PKIG: variants seen among roughly 807,000 people sequenced by gnomAD.
PKIG encodes the protein cAMP-dependent protein kinase inhibitor gamma.
A neutral mutation model predicts 6.8 loss-of-function variants in PKIG; 1 was observed. The ratio of observed to expected loss-of-function variants is 0.15; its 90% CI spans 0.05 to 0.69. PKIG has a LOEUF of 0.69. Ranked by LOEUF, PKIG falls within the 30% of genes least tolerant of loss-of-function variation. The probability of loss-of-function intolerance (pLI) is 0.82; values close to 1 mark genes in which losing one functional copy is unlikely to be tolerated. For synonymous variants in PKIG, 39 were observed against 43.0 expected, an observed-to-expected ratio of 0.91 and a Z score of 0.36; for missense variants, 77 against 104.0, an observed-to-expected ratio of 0.74 and a Z score of 1.13.
At chr20:44,560,072 A>G (rs981670575) in intron 1 of PKIG, among the ~76,000 whole-genome samples, 2 of 151,826 alleles carry the variant, frequency 1.3e-5, no homozygotes, top group African/African-American at 2.4e-5. Flanking sequence ...ATACAAAAAA[A>G]AAAAGAAAGA....
chr20:44,563,215 CATT>C (rs1192202327), intron 1 of PKIG, among the ~76,000 whole-genome samples: 4 of 152,066 alleles, frequency 2.6e-5, no homozygotes, highest in Non-Finnish European at 4.4e-5. Flanking sequence ...CTGACAGTGA[CATT>C]ATGAGAAAGG....
At position 44,614,360 on chromosome 20, in the gene PKIG, G is replaced by T; in HGVS notation, c.-23-174G>T. On this transcript the variant is annotated intron_variant, in intron 2 of 3. Transcript: ENST00000372886. The surrounding 1 kb of genome is among the most constrained non-coding windows in gnomAD (Gnocchi z 4.6). ...TGTTGATGGTGGTTGTCTGGGTGTGGAATTATGAGTGACTTGTTTTGTTCT... is the reference window on the plus strand; with the variant it reads ...TGTTGATGGTGGTTGTCTGGGTGTGTAATTATGAGTGACTTGTTTTGTTCT... 1.9e-6 allele frequency: 1 copy of T among 534,752 alleles called. No individual in the cohort carries two copies. The highest frequency in any genetic ancestry group is 3.3e-6 in the Non-Finnish European group (1 of 301,902). The allele number at this position is 534,752 out of a possible 1,614,324, so 33.1% of individuals were successfully genotyped here. A position where few individuals can be genotyped will look rare whatever the true frequency, so the allele number is the denominator to read the frequency against.
At chr20:44,543,045 G>A (rs2064576720) in intron 1 of PKIG, among the ~76,000 whole-genome samples, 1 of 152,234 alleles carries the variant, frequency 6.6e-6, no homozygotes, top group African/African-American at 2.4e-5. Context: ...GTACAAAGTT[G>A]TGGTTAGGAA....
chr20:44,587,521 G>A (rs957194346), intron 1 of PKIG, among the ~76,000 whole-genome samples: 3 of 152,214 alleles, frequency 2.0e-5, no homozygotes, highest in Non-Finnish European at 4.4e-5. Flanking sequence ...TTGTAGTAAG[G>A]AAACAGAGGG....
intron 2 of PKIG, among the ~76,000 whole-genome samples, chr20:44,604,926 C>A (rs1304634270): frequency 6.6e-6 from 1 of 151,738 alleles, no homozygotes; most frequent in Non-Finnish European, 1.5e-5. Flanking sequence ...TAATGCAGTC[C>A]TGATAAATAC....
At chr20:44,576,158 A>AGTGTGTGTGTGT (rs3221821) in intron 1 of PKIG, among the ~76,000 whole-genome samples, 42 of 140,600 alleles carry the variant, frequency 3.0e-4, no homozygotes, top group African/African-American at 9.0e-4. Context: ...GACTAAGTAG[A>AGTGTGTGTGTGT]GTGTGTGTGT....
chr20:44,588,892 G>A (rs2065011820), intron 1 of PKIG, among the ~76,000 whole-genome samples: 1 of 152,150 alleles, frequency 6.6e-6, no homozygotes, highest in Non-Finnish European at 1.5e-5. Context: ...TTTTTGCATA[G>A]CATGTGTAAT....
At chr20:44,542,034 AC>A (rs988625717) in intron 1 of PKIG, among the ~76,000 whole-genome samples, 6 of 152,166 alleles carry the variant, frequency 3.9e-5, no homozygotes, top group African/African-American at 1.4e-4. Context: ...AGCCAAAGAC[AC>A]CAAGATTGAA....
chr20:44,559,757 C>A (rs1164104721), intron 1 of PKIG, among the ~76,000 whole-genome samples: 1 of 152,184 alleles, frequency 6.6e-6, no homozygotes, highest in Non-Finnish European at 1.5e-5. Flanking sequence ...CTAGCCACTT[C>A]TTGGTGAATA....
chr20:44,563,864 G>A (rs2064788618), intron 1 of PKIG, among the ~76,000 whole-genome samples: 2 of 152,052 alleles, frequency 1.3e-5, no homozygotes, highest in African/African-American at 2.4e-5. Context: ...TCTCTTTATG[G>A]GTTAAGGAAA....
chr20:44,591,869 A>G (rs1178070472), intron 2 of PKIG, among the ~76,000 whole-genome samples: 2 of 152,186 alleles, frequency 1.3e-5, no homozygotes, highest in Admixed American at 6.5e-5. Flanking sequence ...TCAAGCGCAC[A>G]TTAAGTGCAT....
upstream of PKIG, among the ~76,000 whole-genome samples, chr20:44,581,903 T>A (rs998371869): frequency 2.6e-5 from 4 of 152,158 alleles, no homozygotes; most frequent in East Asian, 7.7e-4. Flanking sequence ...ACTCATTGAA[T>A]CTCAGAAGTG....
chr20:44,543,660 C>T (rs2064583080), intron 1 of PKIG, among the ~76,000 whole-genome samples: 1 of 152,152 alleles, frequency 6.6e-6, no homozygotes, highest in African/African-American at 2.4e-5. Flanking sequence ...CTTGGTTGTG[C>T]CCTCCCTAGA....
intron 1 of PKIG, among the ~76,000 whole-genome samples, chr20:44,570,476 G>A (rs1036172294): frequency 6.6e-6 from 1 of 152,084 alleles, no homozygotes; most frequent in African/African-American, 2.4e-5. Flanking sequence ...GGACTTTGTC[G>A]TCATACATAC....
chr20:44,545,632 G>A (rs1456039045), intron 1 of PKIG, among the ~76,000 whole-genome samples: 4 of 151,910 alleles, frequency 2.6e-5, no homozygotes, highest in African/African-American at 9.7e-5. Context: ...ACCAATCTGG[G>A]CAACAGTGAG....
intron 1 of PKIG, among the ~76,000 whole-genome samples, chr20:44,566,563 C>G (rs1241898407): frequency 1.3e-5 from 2 of 152,038 alleles, no homozygotes; most frequent in African/African-American, 2.4e-5. Flanking sequence ...ATGCTAGTCC[C>G]AGCTGGGCAT....
chr20:44,599,688 C>G (rs1162545729), intron 2 of PKIG, among the ~76,000 whole-genome samples: 1 of 152,126 alleles, frequency 6.6e-6, no homozygotes, highest in Admixed American at 6.5e-5. Context: ...CGCCGCTGCA[C>G]TCCAGCCTAG....
At chr20:44,618,174 C>A in intron 3 of PKIG, 111 bp from the exon 4 acceptor site, 1 of 754,022 alleles carries the variant, frequency 1.3e-6, no homozygotes, top group South Asian at 1.4e-5. Flanking sequence ...GCTCGTCTTG[C>A]TCCCCAGGGC....
chr20:44,539,149 G>A (rs557444194), intron 1 of PKIG, among the ~76,000 whole-genome samples: 5 of 152,156 alleles, frequency 3.3e-5, no homozygotes, highest in Admixed American at 2.0e-4. Flanking sequence ...GGCTGGTCTC[G>A]AACTCCTGAC....
Sources: allele counts gnomAD v4.1 joint callset (sites outside exome capture counted in the v4.1 genomes callset), GRCh38; gene constraint gnomAD v4.1.1; non-coding constraint Gnocchi (gnomAD v3.1); transcripts MANE v1.5; gene names NCBI Gene and HGNC (gene_info 2026-07-23, HGNC 2026-07-21).